The following COL4A3 variants were observed in gnomAD, a reference collection of about 807,000 sequenced individuals.
COL4A3 encodes collagen type IV alpha 3 chain, also known as collagen alpha-3(IV) chain.
Under a neutral mutation model 217.4 loss-of-function variants are expected in COL4A3, and 135 were observed. The ratio of observed to expected loss-of-function variants is 0.62; its 90% CI spans 0.54 to 0.72. The LOEUF (loss-of-function observed/expected upper bound fraction) is 0.72. Among genes scored for constraint, COL4A3 ranks in the 30% least tolerant of loss-of-function variants. The pLI is 0.00. For missense variants in COL4A3, 1,868 were observed against 2,119.9 expected, an observed-to-expected ratio of 0.88 and a Z score of 2.33; for synonymous variants, 690 against 736.3, an observed-to-expected ratio of 0.94 and a Z score of 1.02.
intron 48 of COL4A3, among the ~76,000 whole-genome samples, chr2:227,308,554 A>T (rs948191137): frequency 1.3e-5 from 2 of 152,214 alleles, no homozygotes; most frequent in Non-Finnish European, 2.9e-5. Flanking sequence ...CTGCTTTTCT[A>T]AACCTTTATT....
chr2:227,234,077 T>C (rs1326867649), intron 1 of COL4A3, among the ~76,000 whole-genome samples: 2 of 152,124 alleles, frequency 1.3e-5, no homozygotes, highest in African/African-American at 2.4e-5. Flanking sequence ...AGGGTTGTAA[T>C]TGGATGGGGG....
intron 1 of COL4A3, chr2:227,222,328 T>TTATACG (rs1351265205): frequency 2.6e-5 from 4 of 152,264 alleles, no homozygotes; most frequent in African/African-American, 9.6e-5. Context: ...CATGTTCATT[T>TTATACG]TATACGTAGT....
intron 1 of COL4A3, among the ~76,000 whole-genome samples, chr2:227,196,082 T>G (rs189729014): frequency 3.9e-4 from 59 of 152,210 alleles, no homozygotes; most frequent in African/African-American, 1.4e-3. Flanking sequence ...AAATTAAAAT[T>G]TATAAAGTAA....
intron 18 of COL4A3, among the ~76,000 whole-genome samples, chr2:227,259,492 T>C (rs773036207): frequency 5.3e-5 from 8 of 152,222 alleles, no homozygotes; most frequent in Non-Finnish European, 1.0e-4. Flanking sequence ...CACACATACA[T>C]AGGTATGTAT....
chr2:227,229,104 C>A (rs1279358054), intron 1 of COL4A3, among the ~76,000 whole-genome samples: 5 of 152,152 alleles, frequency 3.3e-5, no homozygotes, highest in African/African-American at 1.2e-4. Context: ...TGCCCTTCAC[C>A]CTGTACCACT....
At position 227,251,150 on chromosome 2, in the gene COL4A3, GCCCT is replaced by G. The variant is rs749348004; in HGVS notation, c.560_563del (p.Pro187GlnfsTer35). The G allele has an allele frequency of 2.5e-6, 4 of 1,613,328 alleles. No individual in the cohort carries two copies. The Admixed American group carries it at 6.7e-5, about 27-fold the overall frequency. ...TCTCTCAATTTCAAGGGTTTGCCAGGCCCTCCAGGTTTTCCTGGGCCTGTTGGCC... is the reference window on the plus strand; with the variant it reads ...TCTCTCAATTTCAAGGGTTTGCCAGGCCAGGTTTTCCTGGGCCTGTTGGCC... On this transcript the variant is annotated frameshift_variant, in exon 10 of 52. Coordinates refer to ENST00000396578, the MANE Select transcript of COL4A3 (RefSeq NM_000091.5). LOFTEE classifies it high-confidence loss of function.
At chr2:227,256,582 G>C (rs1332131481) in intron 17 of COL4A3, 186 bp downstream of exon 17, 1 of 757,862 alleles carries the variant, frequency 1.3e-6, no homozygotes, top group Non-Finnish European at 2.4e-6. Flanking sequence ...GGGTGTTCTT[G>C]AGGAAAAGGT....
intron 42 of COL4A3, among the ~76,000 whole-genome samples, chr2:227,298,391 C>G (rs974110104): frequency 6.6e-6 from 1 of 152,152 alleles, no homozygotes; most frequent in African/African-American, 2.4e-5. Context: ...TGCATTCATT[C>G]AACTCTATTT....
chr2:227,251,749 C>T (rs1291885268), intron 11 of COL4A3, among the ~76,000 whole-genome samples: 1 of 152,122 alleles, frequency 6.6e-6, no homozygotes, highest in Non-Finnish European at 1.5e-5. Flanking sequence ...TTTGTGTGCT[C>T]ATTACACAGG....
rs548959002 is a variant in COL4A3, at chr2:227,217,518, C to T, written c.88-20450C>T. Among the ~76,000 whole-genome samples the T allele has an allele frequency of 2.0e-5, 3 of 152,220 alleles. No individual in the cohort carries two copies. The East Asian group carries it at 5.8e-4, about 29-fold the overall frequency. On this transcript the variant is annotated intron_variant, in intron 1 of 51. Coordinates refer to ENST00000396578, the MANE Select transcript of COL4A3 (RefSeq NM_000091.5). ...TTTATTTGACTGTTTGTACCAATAG[C>T]CACAGTTTATAGGTTTGGGCTATAG... is the stretch of plus-strand genomic sequence containing the variant.
intron 34 of COL4A3, among the ~76,000 whole-genome samples, chr2:227,287,443 A>AG (rs1270754960): frequency 7.2e-5 from 11 of 152,024 alleles, no homozygotes; most frequent in Non-Finnish European, 8.8e-5. Flanking sequence ...AAAAAAAAAA[A>AG]TGTAAAACCC....
At chr2:227,216,198 A>G (rs113981229) in intron 1 of COL4A3, among the ~76,000 whole-genome samples, 141 of 152,328 alleles carry the variant, frequency 9.3e-4, no homozygotes, top group African/African-American at 3.3e-3. Context: ...CCTGCACACT[A>G]AAAAATGGTT....
intron 48 of COL4A3, among the ~76,000 whole-genome samples, chr2:227,308,354 A>G (rs1386409866): frequency 6.6e-6 from 1 of 152,172 alleles, no homozygotes; most frequent in Non-Finnish European, 1.5e-5. Context: ...CTGGGACTAC[A>G]GGCACACACC....
intron 1 of COL4A3, among the ~76,000 whole-genome samples, chr2:227,212,446 T>G (rs2067364250): frequency 6.6e-6 from 1 of 152,220 alleles, no homozygotes; most frequent in African/African-American, 2.4e-5. Flanking sequence ...GGCATTGAAC[T>G]TTTATGAGTT....
intron 1 of COL4A3, among the ~76,000 whole-genome samples, chr2:227,218,080 C>A (rs935948134): frequency 5.2e-4 from 61 of 118,328 alleles, no homozygotes; most frequent in Middle Eastern, 8.8e-3. Flanking sequence ...ATATATATAG[C>A]TATATATATA....
At chr2:227,230,924 G>C (rs1181481878) in intron 1 of COL4A3, among the ~76,000 whole-genome samples, 1 of 152,182 alleles carries the variant, frequency 6.6e-6, no homozygotes, top group East Asian at 1.9e-4. Flanking sequence ...CACACAATCA[G>C]GTGCAGCATC....
chr2:227,257,753 C>A, intron 18 of COL4A3, 109 bp downstream of exon 18: 1 of 1,013,898 alleles, frequency 9.9e-7, no homozygotes, highest in Non-Finnish European at 1.6e-6. Flanking sequence ...GAGATTATAA[C>A]ATTTACCTTG....
intron 50 of COL4A3, among the ~76,000 whole-genome samples, chr2:227,309,923 A>G (rs1056838886): frequency 3.9e-5 from 6 of 152,092 alleles, no homozygotes; most frequent in Non-Finnish European, 8.8e-5. Context: ...CACTGCACCC[A>G]GCCTGGAATG....
chr2:227,190,757 A>G (rs925072572), intron 1 of COL4A3, among the ~76,000 whole-genome samples: 23 of 152,200 alleles, frequency 1.5e-4, no homozygotes, highest in Non-Finnish European at 2.5e-4. Flanking sequence ...AAATTAAAAA[A>G]TTAGTCAGGC....
Sources: allele counts gnomAD v4.1 joint callset (sites outside exome capture counted in the v4.1 genomes callset), GRCh38; gene constraint gnomAD v4.1.1; transcripts MANE v1.5; gene names NCBI Gene and HGNC (gene_info 2026-07-23, HGNC 2026-07-21).